The following ATP23 variants were observed in gnomAD, a reference collection of about 807,000 sequenced individuals.
ATP23 encodes the protein ATP23 metallopeptidase and ATP synthase assembly factor homolog.
In ATP23, 24 loss-of-function variants were observed where a neutral mutation model predicts 28.5. That is an observed-to-expected ratio of 0.84 (90% CI 0.61 to 1.18). The LOEUF (loss-of-function observed/expected upper bound fraction) is 1.18, where lower values mean the gene tolerates loss of function less well. Ranked by LOEUF, ATP23 falls within the 50% of genes most tolerant of loss-of-function variation. ATP23 has a pLI of 0.00. For missense variants in ATP23, 274 were observed against 306.4 expected, an observed-to-expected ratio of 0.89 and a Z score of 0.79; for synonymous variants, 99 against 108.6, an observed-to-expected ratio of 0.91 and a Z score of 0.55.
At chr12:57,944,557 T>C (rs944270647) in intron 1 of ATP23, among the ~76,000 whole-genome samples, 8 of 152,358 alleles carry the variant, frequency 5.3e-5, no homozygotes, top group South Asian at 4.1e-4. Flanking sequence ...CCAGATACTC[T>C]ACAGACCTCT....
rs563506220 is a variant in ATP23 at position 57,954,817 on chromosome 12, A to G, written c.537+1128A>G. Among the ~76,000 whole-genome samples, 33 of 138,798 alleles carry G rather than the reference A, an allele frequency of 2.4e-4. No homozygotes were observed. The East Asian group carries it at 0.01, about 43-fold the overall frequency. 91.1% of individuals were successfully genotyped at this position (138,798 alleles called of 152,430 possible). On this transcript the variant is annotated intron_variant, in intron 5 of 5. Transcript: ENST00000300145. Reference sequence around the variant, plus strand: ...GTTTTCTGGAGAAGAGAGTAACTCAACTCTGGAGTGGGGGGTGGAAAGTCA... The same window carrying G: ...GTTTTCTGGAGAAGAGAGTAACTCAGCTCTGGAGTGGGGGGTGGAAAGTCA...
intron 1 of ATP23, 74 bp downstream of exon 1, chr12:57,941,962 C>A: frequency 6.5e-7 from 1 of 1,549,580 alleles, no homozygotes; most frequent in Non-Finnish European, 8.8e-7. Context: ...AGGGCCTGGG[C>A]AACACCTGGC....
intron 1 of ATP23, 87 bp downstream of exon 1, chr12:57,941,975 G>GGGGC (rs1213747245): frequency 2.9e-5 from 44 of 1,503,762 alleles, no homozygotes; most frequent in Non-Finnish European, 3.7e-5. Flanking sequence ...CACCTGGCCA[G>GGGGC]GGGCTTCAGG....
intron 1 of ATP23, among the ~76,000 whole-genome samples, chr12:57,944,328 GTTTC>G (rs1565872943): frequency 6.6e-6 from 1 of 151,898 alleles, no homozygotes; most frequent in East Asian, 1.9e-4. Flanking sequence ...TTAAACCTTA[GTTTC>G]TTTTTCACTT....
chr12:57,951,715 G>T, intron 3 of ATP23, 43 bp from the exon 4 acceptor site: 1 of 1,606,572 alleles, frequency 6.2e-7, no homozygotes, highest in Non-Finnish European at 8.5e-7. Context: ...TATGGAAGGA[G>T]ATTTTAGAAT....
rs1478023235 is a variant in ATP23, at chr12:57,956,675, C to T, written c.538-12C>T. On this transcript the variant is annotated splice_polypyrimidine_tract_variant and intron_variant, in intron 5 of 5. Coordinates refer to ENST00000300145, the MANE Select transcript of ATP23 (RefSeq NM_033276.4). Reference sequence around the variant, plus strand: ...TATAAAATTAGAGCCTCATACTTTTCCTTCTTTTTAGACTTGTGTGCGAGA... The same window carrying T: ...TATAAAATTAGAGCCTCATACTTTTTCTTCTTTTTAGACTTGTGTGCGAGA... 6.4e-7 allele frequency: 1 copy of T among 1,568,918 alleles called. No homozygotes were observed. Among genetic ancestry groups the T allele is most frequent in the South Asian group, 1.2e-5 (1 of 82,934 alleles).
chr12:57,955,413 A>G (rs1194673067), intron 5 of ATP23, among the ~76,000 whole-genome samples: 2 of 152,148 alleles, frequency 1.3e-5, no homozygotes, highest in Non-Finnish European at 2.9e-5. Flanking sequence ...GCAATAGGAC[A>G]GAAAATAAGT....
Position 57,956,896 on chromosome 12 carries a change from A to G in ATP23, c.*6A>G. 2 of 1,589,670 alleles carry G rather than the reference A, an allele frequency of 1.3e-6. No homozygotes were observed. Among genetic ancestry groups the G allele is most frequent in the South Asian group, 1.2e-5 (1 of 85,856 alleles). On this transcript the variant is annotated 3_prime_UTR_variant, in exon 6 of 6. Transcript: ENST00000300145. ...GGTATTATTCAAATATATGAGCACA[A>G]TGACATTTTTATATTACAGAGCTTC...
intron 3 of ATP23, among the ~76,000 whole-genome samples, chr12:57,947,795 C>T (rs185909178): frequency 6.1e-4 from 93 of 152,248 alleles, no homozygotes; most frequent in African/African-American, 2.1e-3. Flanking sequence ...AGTTTTAAGT[C>T]ATCAGAGAGT....
intron 4 of ATP23, 130 bp from the exon 5 acceptor site, chr12:57,953,476 C>T (rs2140539166): frequency 1.4e-6 from 1 of 738,720 alleles, no homozygotes; most frequent in Non-Finnish European, 2.2e-6. Context: ...GAAGAAGTGT[C>T]ACAAATACTC....
chr12:57,944,360 A>G (rs1216454623), intron 1 of ATP23, among the ~76,000 whole-genome samples: 1 of 152,086 alleles, frequency 6.6e-6, no homozygotes, highest in Non-Finnish European at 1.5e-5. Context: ...GTTACATCAT[A>G]TAATTGGCTG....
In ATP23 at chr12:57,941,597, G is replaced by T; in HGVS notation, c.-105G>T. 1 of 1,450,332 alleles carries T rather than the reference G, an allele frequency of 6.9e-7. No homozygotes were observed. Among genetic ancestry groups the T allele is most frequent in the Non-Finnish European group, 9.1e-7 (1 of 1,093,258 alleles). 89.8% of individuals were successfully genotyped at this position (1,450,332 alleles called of 1,614,324 possible). A position where few individuals can be genotyped will look rare whatever the true frequency, so the allele number is the denominator to read the frequency against. On this transcript the variant is annotated 5_prime_UTR_variant, in exon 1 of 6. Transcript: ENST00000300145. ...AGCCAGGCTGCCCTTCTTCCCTGCGGAGGGAGGGCCTGGGCGGTCGCGTTG... is the reference window on the plus strand; with the variant it reads ...AGCCAGGCTGCCCTTCTTCCCTGCGTAGGGAGGGCCTGGGCGGTCGCGTTG...
At chr12:57,951,622 A>G (rs1366239013) in intron 3 of ATP23, 136 bp from the exon 4 acceptor site, 11 of 933,592 alleles carry the variant, frequency 1.2e-5, no homozygotes, top group Non-Finnish European at 1.7e-5. Flanking sequence ...ATGTGTGGCC[A>G]ATGAAGAAGA....
intron 5 of ATP23, 25 bp downstream of exon 5, chr12:57,953,714 C>T (rs1956837692): frequency 3.2e-6 from 5 of 1,568,014 alleles, no homozygotes; most frequent in Non-Finnish European, 4.4e-6. Flanking sequence ...GAAATCACTT[C>T]CCCTCCAGAG....
Position 57,941,893 on chromosome 12 carries a change from G to T in ATP23, c.187+5G>T, listed in dbSNP as rs929127676. 1.2e-6 allele frequency: 2 copies of T among 1,612,738 alleles called. No individual in the cohort carries two copies. The highest frequency in any genetic ancestry group is 2.7e-5 in the African/African-American group (2 of 74,808). The stretch of plus-strand genomic sequence containing the variant: ...TCCTGAAGACGCTGGAGACAAGTAG[G>T]AGCCATGACCTGGAGGCTGTGGTTC... On this transcript the variant is annotated splice_donor_5th_base_variant and intron_variant, in intron 1 of 5. Coordinates refer to ENST00000300145, the MANE Select transcript of ATP23 (RefSeq NM_033276.4).
Position 57,956,948 on chromosome 12 carries a change from G to C in ATP23, c.*58G>C, listed in dbSNP as rs1039433933. The C allele has an allele frequency of 7.0e-7, 1 of 1,425,114 alleles. No homozygotes were observed. Among genetic ancestry groups the C allele is most frequent in the Non-Finnish European group, 9.4e-7 (1 of 1,059,632 alleles). The allele number at this position is 1,425,114 out of a possible 1,614,324, so 88.3% of individuals were successfully genotyped here. ...ATCATCATGAAGAAAAAAAAATTTGGTTCTCAAGTGAACAAACATATAAAA... is the reference window on the plus strand; with the variant it reads ...ATCATCATGAAGAAAAAAAAATTTGCTTCTCAAGTGAACAAACATATAAAA... On this transcript the variant is annotated 3_prime_UTR_variant, in exon 6 of 6. Coordinates refer to ENST00000300145, the MANE Select transcript of ATP23 (RefSeq NM_033276.4).
At position 57,954,013 on chromosome 12, in the gene ATP23, T is replaced by C. The variant is rs1956841475; in HGVS notation, c.537+324T>C. 2.0e-5 allele frequency among the ~76,000 whole-genome samples: 3 copies of C among 151,794 alleles called. No homozygotes were observed. In the South Asian group the frequency reaches 6.3e-4, roughly 32 times the overall value. On this transcript the variant is annotated intron_variant, in intron 5 of 5. Transcript: ENST00000300145. ...ATCGAGACCAGCGTGGCCAACATGG[T>C]GAAACCCCGTGTCTACTAAAAATAC...
intron 1 of ATP23, 148 bp from the exon 2 acceptor site, chr12:57,945,480 C>T: frequency 1.6e-6 from 1 of 639,238 alleles, no homozygotes; most frequent in Non-Finnish European, 2.8e-6. Flanking sequence ...GATCCACCCG[C>T]CTCAACCTCC....
intron 2 of ATP23, among the ~76,000 whole-genome samples, chr12:57,946,200 T>C (rs547936362): frequency 9.0e-4 from 137 of 152,138 alleles, no homozygotes; most frequent in African/African-American, 3.2e-3. Flanking sequence ...TCACCTTGGG[T>C]GATTAATAAA....
Sources: gnomAD v4.1 joint callset for allele counts (sites outside exome capture counted in the v4.1 genomes callset) on GRCh38, gnomAD v4.1.1 for gene constraint, MANE v1.5 for transcripts, NCBI Gene and HGNC (gene_info 2026-07-23, HGNC 2026-07-21) for gene names.